PRDM5: variants seen among roughly 807,000 people sequenced by gnomAD.
PRDM5 encodes PR domain zinc finger protein 5.
A neutral mutation model predicts 81.2 loss-of-function variants in PRDM5; 56 were observed. The observed-to-expected ratio is 0.69, with a 90% CI of 0.56 to 0.86. The LOEUF (loss-of-function observed/expected upper bound fraction) is 0.86. PRDM5 is among the 40% of genes least tolerant of loss of function. PRDM5 has a pLI of 0.00. For missense variants in PRDM5, 697 were observed against 770.1 expected, an observed-to-expected ratio of 0.91 and a Z score of 1.12; for synonymous variants, 267 against 256.4, an observed-to-expected ratio of 1.04 and a Z score of -0.39.
chr4:120,806,032 C>T (rs1294166547), intron 8 of PRDM5, among the ~76,000 whole-genome samples: 2 of 152,128 alleles, frequency 1.3e-5, no homozygotes, highest in Non-Finnish European at 2.9e-5. Flanking sequence ...GCAAAAATCA[C>T]AAGCATTCTT....
chr4:120,922,556 T>G lies in PRDM5; in HGVS notation c.53A>C (p.Gln18Pro). ...GGCCGTGTAGAGCCCCATGCCGTCCTGAACCCGGGAGGACTTCAGGGAGAA... is the reference window on the plus strand; with the variant it reads ...GGCCGTGTAGAGCCCCATGCCGTCCGGAACCCGGGAGGACTTCAGGGAGAA... ...DRFSLKSSRV[Q>P]DGMGLYTARR... The change falls in exon 1 of 16, where the codon CAG becomes CCG. Residue 18 changes from glutamine to proline, a missense_variant. This residue lies in a region of PRDM5 where 577 missense variants were observed against 606.7 expected (regional missense o/e 0.95). Transcript: ENST00000264808. 6.2e-7 allele frequency: 1 copy of G among 1,610,810 alleles called. No homozygotes were observed. Among genetic ancestry groups the G allele is most frequent in the Non-Finnish European group, 8.5e-7 (1 of 1,178,980 alleles).
intron 14 of PRDM5, among the ~76,000 whole-genome samples, chr4:120,727,901 A>G (rs1290580611): frequency 1.3e-5 from 2 of 150,918 alleles, no homozygotes; most frequent in African/African-American, 4.9e-5. Flanking sequence ...ACGCCACTGC[A>G]CTCCAACCTG....
intron 15 of PRDM5, among the ~76,000 whole-genome samples, chr4:120,697,912 C>G (rs937357): frequency 0.86 from 130,464 of 151,214 alleles, 56,462 homozygotes; most frequent in East Asian, 0.91. Context: ...CGACAATACT[C>G]AAATAAAAAT....
chr4:120,713,090 C>G (rs746778991), intron 14 of PRDM5, among the ~76,000 whole-genome samples: 2 of 152,102 alleles, frequency 1.3e-5, no homozygotes, highest in African/African-American at 2.4e-5. Flanking sequence ...GATTCTATCA[C>G]TTTATTTTAG....
intron 14 of PRDM5, among the ~76,000 whole-genome samples, chr4:120,744,767 T>G (rs1476787124): frequency 1.3e-5 from 2 of 150,844 alleles, no homozygotes; most frequent in Middle Eastern, 3.2e-3. Flanking sequence ...AATAACAGGA[T>G]CTGAAATTGT....
chr4:120,734,354 G>T (rs1374679557), intron 14 of PRDM5, among the ~76,000 whole-genome samples: 1 of 151,188 alleles, frequency 6.6e-6, no homozygotes. Context: ...CTTGAATTGT[G>T]TTTTGTAAAA....
At chr4:120,755,214 T>C (rs1424299309) in intron 13 of PRDM5, among the ~76,000 whole-genome samples, 1 of 152,232 alleles carries the variant, frequency 6.6e-6, no homozygotes, top group Non-Finnish European at 1.5e-5. Flanking sequence ...CTAGAGGCTA[T>C]AATTTTGAAA....
At chr4:120,728,541 C>G (rs539240367) in intron 14 of PRDM5, among the ~76,000 whole-genome samples, 1 of 152,020 alleles carries the variant, frequency 6.6e-6, no homozygotes, top group African/African-American at 2.4e-5. Flanking sequence ...TAAAAAGACT[C>G]GTCAATTTTT....
At chr4:120,833,431 G>T (rs1337734207) in intron 3 of PRDM5, among the ~76,000 whole-genome samples, 1 of 151,924 alleles carries the variant, frequency 6.6e-6, no homozygotes, top group African/African-American at 2.4e-5. Flanking sequence ...CCAGAGTAGT[G>T]GTGCTAACAA....
At chr4:120,702,785 G>T (rs1417423824) in intron 15 of PRDM5, among the ~76,000 whole-genome samples, 1 of 152,240 alleles carries the variant, frequency 6.6e-6, no homozygotes, top group East Asian at 1.9e-4. Flanking sequence ...AAAGAAGATC[G>T]ATTTAACATT....
intron 10 of PRDM5, among the ~76,000 whole-genome samples, chr4:120,792,450 C>T (rs976951109): frequency 6.6e-6 from 1 of 152,020 alleles, no homozygotes; most frequent in African/African-American, 2.4e-5. Flanking sequence ...CTATTGGAAC[C>T]CCTGTATACT....
intron 2 of PRDM5, among the ~76,000 whole-genome samples, chr4:120,873,259 C>T (rs2148549077): frequency 6.6e-6 from 1 of 152,252 alleles, no homozygotes; most frequent in East Asian, 1.9e-4. Context: ...CCATCTCGGC[C>T]TCCCAAAGTG....
chr4:120,715,339 C>T (rs1242810648), intron 14 of PRDM5, among the ~76,000 whole-genome samples: 2 of 151,956 alleles, frequency 1.3e-5, no homozygotes, highest in African/African-American at 4.8e-5. Flanking sequence ...GGAGTATCTA[C>T]CATGTTGCCA....
chr4:120,911,133 TA>T (rs1766457462), intron 1 of PRDM5, among the ~76,000 whole-genome samples: 1 of 152,186 alleles, frequency 6.6e-6, no homozygotes, highest in African/African-American at 2.4e-5. Flanking sequence ...AATGATATTT[TA>T]GAGAGTAGCC....
At chr4:120,740,588 T>A (rs1741778864) in intron 14 of PRDM5, among the ~76,000 whole-genome samples, 1 of 152,168 alleles carries the variant, frequency 6.6e-6, no homozygotes, top group South Asian at 2.1e-4. Flanking sequence ...TGAGTATGTC[T>A]AAACCTTGTC....
At chr4:120,836,778 C>CT in intron 3 of PRDM5, among the ~76,000 whole-genome samples, 1 of 152,072 alleles carries the variant, frequency 6.6e-6, no homozygotes, top group Non-Finnish European at 1.5e-5. Flanking sequence ...CTTTCAAGCT[C>CT]TATATACTTG....
intron 14 of PRDM5, among the ~76,000 whole-genome samples, chr4:120,737,854 C>T (rs555970758): frequency 2.6e-5 from 4 of 152,252 alleles, no homozygotes; most frequent in Non-Finnish European, 5.9e-5. Context: ...TATATCTTAT[C>T]TAGCTATATA....
At chr4:120,758,819 G>A (rs886957351) in intron 13 of PRDM5, among the ~76,000 whole-genome samples, 46 of 151,032 alleles carry the variant, frequency 3.0e-4, no homozygotes, top group Admixed American at 1.1e-3. Flanking sequence ...GCAGTGGCGC[G>A]ATCTCGACTC....
chr4:120,784,844 A>C (rs1296936454), intron 11 of PRDM5, among the ~76,000 whole-genome samples, 154 bp downstream of exon 11: 1 of 152,156 alleles, frequency 6.6e-6, no homozygotes, highest in Non-Finnish European at 1.5e-5. Flanking sequence ...AGCGAAAAAA[A>C]GTGAAAGGCA....
Sources: gnomAD v4.1 joint callset for allele counts (sites outside exome capture counted in the v4.1 genomes callset) on GRCh38, gnomAD v4.1.1 for gene constraint, gnomAD v4.1.1 regional missense constraint, MANE v1.5 for transcripts, NCBI Gene and HGNC (gene_info 2026-07-23, HGNC 2026-07-21) for gene names.